The following COLQ variants were observed in gnomAD, a reference collection of about 807,000 sequenced individuals.
The protein encoded by COLQ is collagen like tail subunit of asymmetric acetylcholinesterase, also known as acetylcholinesterase collagenic tail peptide.
In COLQ, 48 loss-of-function variants were observed where a neutral mutation model predicts 69.0. The observed-to-expected ratio is 0.70, with a 90% CI of 0.55 to 0.88. The LOEUF is 0.88. Among genes scored for constraint, COLQ ranks in the 40% least tolerant of loss-of-function variants. The probability of loss-of-function intolerance (pLI) is 0.00; values close to 1 mark genes in which losing one functional copy is unlikely to be tolerated. For synonymous variants in COLQ, 217 were observed against 211.2 expected, an observed-to-expected ratio of 1.03 and a Z score of -0.24; for missense variants, 618 against 594.6, an observed-to-expected ratio of 1.04 and a Z score of -0.41.
chr3:15,466,469 A>T (rs1264146181), intron 11 of COLQ, 32 bp from the exon 12 acceptor site: 2 of 1,571,158 alleles, frequency 1.3e-6, no homozygotes, highest in Non-Finnish European at 1.8e-6. Context: ...CCTGTTATGA[A>T]AGCATGACAT....
At chr3:15,489,703 G>T in intron 1 of COLQ, 66 bp from the exon 2 acceptor site, 2 of 1,434,364 alleles carry the variant, frequency 1.4e-6, no homozygotes, top group Non-Finnish European at 1.9e-6. Flanking sequence ...CACCCACCGT[G>T]CCCAGGGAAG....
intron 12 of COLQ, 129 bp downstream of exon 12, chr3:15,466,212 G>A: frequency 1.5e-6 from 1 of 661,484 alleles, no homozygotes; most frequent in Non-Finnish European, 2.7e-6. Flanking sequence ...AAATTACAAA[G>A]ATATTGGAGT....
chr3:15,490,062 T>C (rs907379691), intron 1 of COLQ, among the ~76,000 whole-genome samples: 2 of 152,202 alleles, frequency 1.3e-5, no homozygotes, highest in African/African-American at 4.8e-5. Context: ...GGGCCAGTGG[T>C]AGCATTACTT....
intron 11 of COLQ, chr3:15,467,724 C>T: frequency 2.6e-6 from 1 of 383,222 alleles, no homozygotes; most frequent in Non-Finnish European, 5.2e-6. Context: ...CCATTTTTGA[C>T]CTGGTTCTTC....
At chr3:15,508,046 C>A (rs959655522) in intron 1 of COLQ, among the ~76,000 whole-genome samples, 3 of 152,030 alleles carry the variant, frequency 2.0e-5, no homozygotes, top group African/African-American at 7.3e-5. Flanking sequence ...TTTTATGTAG[C>A]AGAATTTAAT....
At chr3:15,491,674 G>A (rs2062670365) in intron 1 of COLQ, among the ~76,000 whole-genome samples, 1 of 152,152 alleles carries the variant, frequency 6.6e-6, no homozygotes, top group South Asian at 2.1e-4. Flanking sequence ...TTATTATCCG[G>A]AAATGAAATT....
intron 10 of COLQ, among the ~76,000 whole-genome samples, chr3:15,471,749 C>T (rs1315413971): frequency 2.0e-5 from 3 of 152,172 alleles, no homozygotes; most frequent in African/African-American, 7.2e-5. Context: ...CCAATGTGTC[C>T]CTACCCAAGC....
chr3:15,472,268 T>C (rs549268132), intron 10 of COLQ, among the ~76,000 whole-genome samples: 50 of 152,254 alleles, frequency 3.3e-4, no homozygotes, highest in Non-Finnish European at 4.0e-4. Flanking sequence ...TAAGTAAAAC[T>C]GTTTTTTCTC....
At chr3:15,514,755 AG>A in intron 1 of COLQ, among the ~76,000 whole-genome samples, 1 of 152,242 alleles carries the variant, frequency 6.6e-6, no homozygotes, top group Middle Eastern at 3.4e-3. Context: ...ACATGCCCAG[AG>A]GGGGCTAGAG....
intron 12 of COLQ, among the ~76,000 whole-genome samples, chr3:15,465,460 G>A (rs989299619): frequency 6.0e-5 from 9 of 150,494 alleles, no homozygotes; most frequent in Non-Finnish European, 1.2e-4. Flanking sequence ...TAGAGATGGG[G>A]TTTCACCGTG....
At position 15,489,524 on chromosome 3, in the gene COLQ, C is replaced by G. The variant is rs149020371; in HGVS notation, c.219+1G>C. On this transcript the variant is annotated splice_donor_variant, in intron 2 of 16. Transcript: ENST00000383788. LOFTEE classifies it high-confidence loss of function. The stretch of plus-strand genomic sequence containing the variant: ...CCTCTCATAAATCCCAAAGTACTCA[C>G]CGGACTTCGGCCACCTCTGAAGAAT... 5.6e-6 allele frequency: 9 copies of G among 1,614,024 alleles called. No homozygotes were observed. In the Admixed American group the frequency reaches 6.7e-5, roughly 12 times the overall value.
chr3:15,503,839 C>G (rs887333970), intron 1 of COLQ, among the ~76,000 whole-genome samples: 1 of 151,870 alleles, frequency 6.6e-6, no homozygotes, highest in African/African-American at 2.4e-5. Flanking sequence ...CCTCCACCAC[C>G]ACCACCTAGA....
In COLQ at chr3:15,475,429, G is replaced by A. The variant is rs1310878358; in HGVS notation, c.524C>T (p.Ser175Phe). ...GLPGSRGPMG[S>F]KGYPGSRGEK... The stretch of plus-strand genomic sequence containing the variant: ...CCATTTGGACCCCACACTGACCTTG[G>A]AGCCCATTGGTCCTCTTGACCCTGG... Residue 175 changes from serine (S) to phenylalanine (F), a missense_variant, in exon 7 of 17, where the codon TCC (serine) becomes TTC (phenylalanine). Ser to Phe is a radical substitution (Grantham distance 155). Transcript: ENST00000383788. 4 of 1,597,410 alleles carry A rather than the reference G, an allele frequency of 2.5e-6. No individual in the cohort carries two copies. The highest frequency in any genetic ancestry group is 3.4e-6 in the Non-Finnish European group (4 of 1,170,996).
chr3:15,509,232 GGCCTGGTGACTTGATGGCCATT>G lies in COLQ; in HGVS notation c.106+12266_106+12287del, dbSNP rs1474306130. Among the ~76,000 whole-genome samples, 3 of 152,314 alleles carry G rather than the reference GGCCTGGTGACTTGATGGCCATT, an allele frequency of 2.0e-5. No individual in the cohort carries two copies. In the East Asian group the frequency reaches 5.8e-4, roughly 29 times the overall value. On this transcript the variant is annotated intron_variant, in intron 1 of 16. Coordinates refer to ENST00000383788, the MANE Select transcript of COLQ (RefSeq NM_005677.4). ...TGCCCAGGAGGACCTGCACTAGGCAGGCCTGGTGACTTGATGGCCATTGTCACCTCAAAGGAAGCATGCAAGA... is the reference window on the plus strand; with the variant it reads ...TGCCCAGGAGGACCTGCACTAGGCAGGTCACCTCAAAGGAAGCATGCAAGA...
At chr3:15,461,493 G>C (rs568821980) in intron 12 of COLQ, among the ~76,000 whole-genome samples, 69 of 152,226 alleles carry the variant, frequency 4.5e-4, no homozygotes, top group African/African-American at 1.3e-3. Flanking sequence ...GGGTTTCATC[G>C]CCACCCCCTG....
At chr3:15,488,686 TA>T (rs1403907005) in intron 2 of COLQ, among the ~76,000 whole-genome samples, 2 of 152,118 alleles carry the variant, frequency 1.3e-5, no homozygotes, top group Admixed American at 6.5e-5. Flanking sequence ...TTCAAGAAGG[TA>T]AAAAGAAAAA....
intron 12 of COLQ, among the ~76,000 whole-genome samples, chr3:15,461,183 C>T (rs1221246007): frequency 6.7e-6 from 1 of 148,298 alleles, no homozygotes; most frequent in Non-Finnish European, 1.5e-5. Context: ...GGCATTTTGC[C>T]TTTATTCCCC....
chr3:15,479,452 G>A, intron 3 of COLQ, 70 bp from the exon 4 acceptor site: 1 of 1,436,554 alleles, frequency 7.0e-7, no homozygotes, highest in Non-Finnish European at 9.8e-7. Flanking sequence ...GAGGCTCTTG[G>A]TGCACTGGGC....
At chr3:15,501,590 C>G (rs1336862420) in intron 1 of COLQ, among the ~76,000 whole-genome samples, 1 of 152,248 alleles carries the variant, frequency 6.6e-6, no homozygotes, top group Non-Finnish European at 1.5e-5. Context: ...CACTGACAAC[C>G]ATTCTTTCCT....
Sources: allele counts gnomAD v4.1 joint callset (sites outside exome capture counted in the v4.1 genomes callset), GRCh38; gene constraint gnomAD v4.1.1; transcripts MANE v1.5; gene names NCBI Gene and HGNC (gene_info 2026-07-23, HGNC 2026-07-21).